The following CNTN5 variants were observed in gnomAD, a reference collection of about 807,000 sequenced individuals.
CNTN5 encodes the protein contactin-5.
Under a neutral mutation model 129.1 loss-of-function variants are expected in CNTN5, and 77 were observed. The ratio of observed to expected loss-of-function variants is 0.60; its 90% CI spans 0.50 to 0.72. The LOEUF (loss-of-function observed/expected upper bound fraction) is 0.72, where lower values mean the gene tolerates loss of function less well. Ranked by LOEUF, CNTN5 falls within the 30% of genes least tolerant of loss-of-function variation. CNTN5 has a pLI of 0.00. For missense variants in CNTN5, 1,478 were observed against 1,328.8 expected, an observed-to-expected ratio of 1.11 and a Z score of -1.75; for synonymous variants, 509 against 465.6, an observed-to-expected ratio of 1.09 and a Z score of -1.20.
intron 21 of CNTN5, among the ~76,000 whole-genome samples, chr11:100,310,130 AGCTCTG>A (rs1023521258): frequency 6.6e-6 from 1 of 151,870 alleles, no homozygotes; most frequent in African/African-American, 2.4e-5. Flanking sequence ...CCCTATCTCA[AGCTCTG>A]CTTTTGGGGA....
chr11:99,474,969 AAC>A (rs1945315826), intron 2 of CNTN5, among the ~76,000 whole-genome samples: 1 of 152,164 alleles, frequency 6.6e-6, no homozygotes, highest in Non-Finnish European at 1.5e-5. Flanking sequence ...CTGTCATTGT[AAC>A]AGTTTTAAGA....
At position 99,110,053 on chromosome 11, in the gene CNTN5, G is replaced by T. The variant is rs576659806; in HGVS notation, c.-210+88783G>T. ...AACATGAGAAGGTAAAGAAATATTC[G>T]AATAGATGAGAAAGCATATCTCTTG... is the stretch of plus-strand genomic sequence containing the variant. On this transcript the variant is annotated intron_variant, in intron 1 of 24. Transcript: ENST00000524871. Among the ~76,000 whole-genome samples the T allele has an allele frequency of 3.9e-5, 6 of 152,110 alleles. No individual in the cohort carries two copies. The East Asian group carries it at 1.2e-3, about 29-fold the overall frequency.
intron 6 of CNTN5, among the ~76,000 whole-genome samples, chr11:99,870,964 C>T (rs534383890): frequency 3.9e-5 from 6 of 152,108 alleles, no homozygotes; most frequent in South Asian, 4.1e-4. Flanking sequence ...TCTTGGGAGG[C>T]GTGACCTAAC....
At chr11:99,210,543 T>G (rs1379290564) in intron 1 of CNTN5, among the ~76,000 whole-genome samples, 2 of 152,102 alleles carry the variant, frequency 1.3e-5, no homozygotes, top group African/African-American at 2.4e-5. Context: ...TAAGAATTGT[T>G]TGTATGTTTA....
chr11:99,560,808 G>T (rs1324291250), intron 3 of CNTN5, among the ~76,000 whole-genome samples: 1 of 152,158 alleles, frequency 6.6e-6, no homozygotes, highest in Non-Finnish European at 1.5e-5. Flanking sequence ...TGGAGGCCAG[G>T]TTTCTCACTG....
At position 99,895,167 on chromosome 11, in the gene CNTN5, A is replaced by T. The variant is rs529896973; in HGVS notation, c.578-20887A>T. ...GATTTTTGCTGCTCCCCATCAGTTC[A>T]GTGTCAGTACTAGGCATCCAAGAGG... On this transcript the variant is annotated intron_variant, in intron 6 of 24. Transcript: ENST00000524871. Among the ~76,000 whole-genome samples, 7 of 152,324 alleles carry T rather than the reference A, an allele frequency of 4.6e-5. No homozygotes were observed. The South Asian group carries it at 1.4e-3, about 32-fold the overall frequency.
chr11:99,835,413 G>T (rs570216517), intron 4 of CNTN5, among the ~76,000 whole-genome samples: 1 of 152,132 alleles, frequency 6.6e-6, no homozygotes, highest in African/African-American at 2.4e-5. Context: ...AGGGCAGGAG[G>T]TGCCCAACTT....
chr11:99,445,101 T>C (rs1944007825), intron 2 of CNTN5, among the ~76,000 whole-genome samples: 1 of 148,614 alleles, frequency 6.7e-6, no homozygotes. Flanking sequence ...TGTATATTTA[T>C]ATATGTATAT....
intron 6 of CNTN5, among the ~76,000 whole-genome samples, chr11:99,860,291 T>C (rs762996587): frequency 6.6e-6 from 1 of 152,128 alleles, no homozygotes; most frequent in Non-Finnish European, 1.5e-5. Flanking sequence ...TTTTTTTTTG[T>C]TGAGGATTTT....
chr11:100,208,516 T>C lies in CNTN5; in HGVS notation c.1884+14853T>C, dbSNP rs115178141. Among the ~76,000 whole-genome samples, 759 of 152,240 alleles carry C rather than the reference T, an allele frequency of 5.0e-3. 4 individuals carry two copies. Among genetic ancestry groups the C allele is most frequent in the African/African-American group, 0.017 (714 of 41,534 alleles). ...GTGCTAAGACTCCTTAGGCCTAGAC[T>C]CAGAACTTGCTCAAAGAAACTTACA... On this transcript the variant is annotated intron_variant, in intron 15 of 24. Transcript: ENST00000524871.
intron 1 of CNTN5, among the ~76,000 whole-genome samples, chr11:99,227,247 C>T (rs1305853435): frequency 6.6e-6 from 1 of 151,844 alleles, no homozygotes; most frequent in African/African-American, 2.4e-5. Flanking sequence ...GTAATCCCAG[C>T]TACTCAGGAG....
At chr11:99,150,831 C>A (rs2135487163) in intron 1 of CNTN5, among the ~76,000 whole-genome samples, 3 of 152,062 alleles carry the variant, frequency 2.0e-5, no homozygotes, top group Admixed American at 2.0e-4. Flanking sequence ...TATCCCTAAG[C>A]CTAGTCATGT....
intron 2 of CNTN5, among the ~76,000 whole-genome samples, chr11:99,512,373 CAGGTTCGTTAAAGTATATTT>C (rs1175181521): frequency 2.6e-5 from 4 of 152,126 alleles, no homozygotes; most frequent in African/African-American, 9.7e-5. Flanking sequence ...CTATACCACC[CAGGTTCGTTAAAGTATATTT>C]ATGATGTTTT....
intron 21 of CNTN5, chr11:100,337,626 C>T (rs574465520): frequency 1.7e-5 from 12 of 701,384 alleles, no homozygotes; most frequent in African/African-American, 5.3e-5. Context: ...TGCAGAATAA[C>T]GGGAACTAAT....
At chr11:99,031,305 A>G (rs891910087) in intron 1 of CNTN5, among the ~76,000 whole-genome samples, 1 of 152,150 alleles carries the variant, frequency 6.6e-6, no homozygotes, top group African/African-American at 2.4e-5. Context: ...ACATTTTATT[A>G]TATGTGTGGT....
intron 3 of CNTN5, among the ~76,000 whole-genome samples, chr11:99,736,776 G>C (rs1035008374): frequency 6.6e-6 from 1 of 151,988 alleles, no homozygotes; most frequent in Non-Finnish European, 1.5e-5. Flanking sequence ...CTATAAAATA[G>C]AGACAATACC....
chr11:99,720,613 T>C (rs189590940), intron 3 of CNTN5, among the ~76,000 whole-genome samples: 4,440 of 152,058 alleles, frequency 0.029, 79 homozygotes, highest in South Asian at 0.044. Context: ...TGCCCTCTCT[T>C]ACCACTCCTA....
chr11:100,300,554 TC>T (rs1266530483), intron 20 of CNTN5, among the ~76,000 whole-genome samples: 4 of 151,460 alleles, frequency 2.6e-5, no homozygotes, highest in African/African-American at 4.8e-5. Context: ...AATTATTATA[TC>T]CCCCCATGAA....
At position 99,860,544 on chromosome 11, in the gene CNTN5, A is replaced by G. The variant is rs534897655; in HGVS notation, c.577+15282A>G. On this transcript the variant is annotated intron_variant, in intron 6 of 24. Coordinates refer to ENST00000524871, the MANE Select transcript of CNTN5 (RefSeq NM_014361.4). ...CCTATAGCTAGACAGTTATCCCAGC[A>G]TCATTTATTGGTTAGTAAATCCTTT... Among the ~76,000 whole-genome samples, 4 of 152,310 alleles carry G rather than the reference A, an allele frequency of 2.6e-5. No homozygotes were observed. The South Asian group carries it at 8.3e-4, about 32-fold the overall frequency.
Sources: allele counts gnomAD v4.1 joint callset (sites outside exome capture counted in the v4.1 genomes callset), GRCh38; gene constraint gnomAD v4.1.1; transcripts MANE v1.5; gene names NCBI Gene and HGNC (gene_info 2026-07-23, HGNC 2026-07-21).